TNRC6A: variants seen among roughly 807,000 people sequenced by gnomAD.
TNRC6A encodes the protein trinucleotide repeat containing adaptor 6A, also known as trinucleotide repeat-containing gene 6A protein.
In TNRC6A, 44 loss-of-function variants were observed where a neutral mutation model predicts 221.2. The ratio of observed to expected loss-of-function variants is 0.20; its 90% CI spans 0.16 to 0.26. The LOEUF is 0.26. TNRC6A is among the 10% of genes least tolerant of loss of function. TNRC6A has a pLI of 1.00. For synonymous variants in TNRC6A, 847 were observed against 838.5 expected (o/e 1.01, Z -0.18); for missense variants, 2,199 against 2,404.4 (o/e 0.91, Z 1.79).
At position 24,663,038 on chromosome 16, in the gene TNRC6A, A is replaced by G. The variant is rs563808578; in HGVS notation, n.402+22029A>G. ...CTTAGAAGAGGATATGAGATCACAA[A>G]TGATCTCAGTGTGTTCAGAACTGCC... is the stretch of plus-strand genomic sequence containing the variant. On this transcript the variant is annotated intron_variant and non_coding_transcript_variant, in intron 2 of 2. Transcript: ENST00000566108. 4 of 153,886 alleles carry G rather than the reference A, an allele frequency of 2.6e-5. No homozygotes were observed. In the East Asian group the frequency reaches 7.7e-4, roughly 30 times the overall value. 9.5% of individuals were successfully genotyped at this position (153,886 alleles called of 1,614,324 possible). A position where few individuals can be genotyped will look rare whatever the true frequency, so the allele number is the denominator to read the frequency against.
At position 24,777,205 on chromosome 16, in the gene TNRC6A, A is replaced by C. The variant is rs780401222; in HGVS notation, c.436A>C (p.Lys146Gln). The C allele has an allele frequency of 3.1e-6, 5 of 1,614,214 alleles. No individual in the cohort carries two copies. Among genetic ancestry groups the C allele is most frequent in the Non-Finnish European group, 4.2e-6 (5 of 1,180,036 alleles). ...VPPRFRHQEHKQLLKRGQHFP... is the reference protein window; with the variant it reads ...VPPRFRHQEHQQLLKRGQHFP... Reference sequence around the variant, plus strand: ...TCCACGATTTCGCCACCAGGAACACAAACAGCTTCTAAAGAGGGGTCAGCA... The same window carrying C: ...TCCACGATTTCGCCACCAGGAACACCAACAGCTTCTAAAGAGGGGTCAGCA... The change falls in exon 5 of 25, where the codon AAA becomes CAA. Residue 146 changes from lysine (K) to glutamine (Q), a missense_variant. Lys to Gln is a moderately conservative substitution (Grantham distance 53, BLOSUM62 1). Transcript: ENST00000395799.
At chr16:24,756,701 C>T (rs1018723143) in intron 3 of TNRC6A, among the ~76,000 whole-genome samples, 1 of 152,062 alleles carries the variant, frequency 6.6e-6, no homozygotes, top group Non-Finnish European at 1.5e-5. Context: ...CCATATTGGC[C>T]AGGCTGGTCT....
rs76828456 is a variant in TNRC6A, at chr16:24,802,622, T to C, written c.3695-1555T>C. On this transcript the variant is annotated intron_variant, in intron 11 of 24. Coordinates refer to ENST00000395799, the MANE Select transcript of TNRC6A (RefSeq NM_014494.4). Reference sequence around the variant, plus strand: ...GGTAAAAATGTGGGACTGAGCTCAGTTGTGAAGTCTAAGCAACATGTTTAT... The same window carrying C: ...GGTAAAAATGTGGGACTGAGCTCAGCTGTGAAGTCTAAGCAACATGTTTAT... Among the ~76,000 whole-genome samples, 639 of 152,292 alleles carry C rather than the reference T, an allele frequency of 4.2e-3. 6 individuals are homozygous for C. The highest frequency in any genetic ancestry group is 0.015 in the African/African-American group (619 of 41,556).
chr16:24,611,205 T>C (rs1900041869), intron 1 of TNRC6A, among the ~76,000 whole-genome samples: 1 of 152,184 alleles, frequency 6.6e-6, no homozygotes, highest in African/African-American at 2.4e-5. Flanking sequence ...TAAAATTATT[T>C]TTCTGGATAC....
At chr16:24,721,143 T>C (rs928292208) in intron 2 of TNRC6A, among the ~76,000 whole-genome samples, 1 of 152,172 alleles carries the variant, frequency 6.6e-6, no homozygotes, top group African/African-American at 2.4e-5. Context: ...CAACTAGAAC[T>C]CTTGATGAGG....
At chr16:24,730,343 T>C (rs1286216498) in intron 2 of TNRC6A, 43 bp downstream of exon 2, 1 of 1,596,116 alleles carries the variant, frequency 6.3e-7, no homozygotes, top group South Asian at 1.1e-5. Flanking sequence ...ACGATAATCG[T>C]ATATTTCTAC....
chr16:24,655,487 G>A (rs1362985512), intron 2 of TNRC6A, among the ~76,000 whole-genome samples: 3 of 152,032 alleles, frequency 2.0e-5, no homozygotes, highest in Non-Finnish European at 4.4e-5. Flanking sequence ...TCAGGAGTTC[G>A]AGACCATCCT....
rs2151881858 is a variant in TNRC6A, at chr16:24,791,830, T to C, written c.3175+13T>C. 3 of 1,504,656 alleles carry C rather than the reference T, an allele frequency of 2.0e-6. No individual in the cohort carries two copies. The South Asian group carries it at 4.2e-5, about 21-fold the overall frequency. The allele number at this position is 1,504,656 out of a possible 1,614,324, so 93.2% of individuals were successfully genotyped here. On this transcript the variant is annotated intron_variant, in intron 6 of 24. Coordinates refer to ENST00000395799, the MANE Select transcript of TNRC6A (RefSeq NM_014494.4). ...AGCAGTGGCTCTGGTAAGTTTCTAT[T>C]TTATGAAATCAAGCCTTGTTTTAAC... is the stretch of plus-strand genomic sequence containing the variant.
At chr16:24,644,012 T>TG (rs1260139063) in intron 2 of TNRC6A, among the ~76,000 whole-genome samples, 5 of 151,812 alleles carry the variant, frequency 3.3e-5, no homozygotes, top group Non-Finnish European at 7.4e-5. Context: ...GCAGGAACAC[T>TG]GGTGCAAATA....
chr16:24,821,851 G>C, intron 22 of TNRC6A: 1 of 562,144 alleles, frequency 1.8e-6, no homozygotes. Context: ...GTGGTGAACT[G>C]GGAGCCATTC....
chr16:24,745,080 A>G (rs2056974756), intron 2 of TNRC6A, among the ~76,000 whole-genome samples: 1 of 152,324 alleles, frequency 6.6e-6, no homozygotes, highest in Non-Finnish European at 1.5e-5. Flanking sequence ...GTTATTGTAA[A>G]TAGCATGTTC....
intron 2 of TNRC6A, among the ~76,000 whole-genome samples, chr16:24,699,144 T>TAATCTTCAAAACTTCATTCCATCA (rs2055919986): frequency 6.6e-6 from 1 of 152,218 alleles, no homozygotes; most frequent in African/African-American, 2.4e-5. Flanking sequence ...TTATCTCATT[T>TAATCTTCAAAACTTCATTCCATCA]AATCTTCAAA....
chr16:24,800,125 C>T (rs184733028), intron 11 of TNRC6A, among the ~76,000 whole-genome samples: 4 of 152,242 alleles, frequency 2.6e-5, no homozygotes, highest in Admixed American at 1.3e-4. Context: ...TTGTTGGAAG[C>T]GTTTTCTCTC....
intron 2 of TNRC6A, among the ~76,000 whole-genome samples, chr16:24,668,609 C>T (rs192078237): frequency 3.3e-5 from 5 of 152,212 alleles, no homozygotes; most frequent in African/African-American, 7.2e-5. Flanking sequence ...CATTGGCCAC[C>T]GGAACAATTA....
At chr16:24,661,668 TC>T (rs1402411022) in intron 2 of TNRC6A, 2 of 152,376 alleles carry the variant, frequency 1.3e-5, no homozygotes, top group Non-Finnish European at 2.9e-5. Flanking sequence ...CGCCTCGGCC[TC>T]CCAAAGTGCT....
chr16:24,798,060 CA>C, intron 11 of TNRC6A, 94 bp downstream of exon 11: 1 of 1,104,804 alleles, frequency 9.1e-7, no homozygotes, highest in South Asian at 1.6e-5. Flanking sequence ...TAGATCAGGA[CA>C]GGGGAGGCTG....
intron 2 of TNRC6A, among the ~76,000 whole-genome samples, chr16:24,668,818 T>TA (rs1567340520): frequency 6.6e-6 from 1 of 152,156 alleles, no homozygotes; most frequent in African/African-American, 2.4e-5. Context: ...CACTTCTGAT[T>TA]AAAAAGGAAA....
Position 24,791,295 on chromosome 16 carries a change from T to G in TNRC6A, c.2653T>G (p.Ser885Ala). 1.2e-6 allele frequency: 2 copies of G among 1,612,912 alleles called. No homozygotes were observed. The highest frequency in any genetic ancestry group is 1.7e-6 in the Non-Finnish European group (2 of 1,179,336). Reference protein sequence around the residue: ...SGGSDSDRSVSGWNELGKTSS... With the variant: ...SGGSDSDRSVAGWNELGKTSS... ...AGGTAGTGACAGTGACAGGTCCGTTTCCGGTTGGAACGAACTTGGTAAAAC... is the reference window on the plus strand; with the variant it reads ...AGGTAGTGACAGTGACAGGTCCGTTGCCGGTTGGAACGAACTTGGTAAAAC... Residue 885 changes from serine (S) to alanine (A), a missense_variant, in exon 6 of 25, where the codon TCC (serine) becomes GCC (alanine). Ser to Ala is a moderately conservative substitution (Grantham distance 99). This residue lies in a region of TNRC6A where 1,405 missense variants were observed against 1,400.2 expected (regional missense o/e 1.00). Transcript: ENST00000395799.
intron 2 of TNRC6A, among the ~76,000 whole-genome samples, chr16:24,686,852 C>A (rs1280139405): frequency 6.6e-6 from 1 of 152,152 alleles, no homozygotes; most frequent in African/African-American, 2.4e-5. Context: ...ATAAATCTCA[C>A]CCTGAGCCTC....
Sources: allele counts gnomAD v4.1 joint callset (sites outside exome capture counted in the v4.1 genomes callset), GRCh38; gene constraint gnomAD v4.1.1; regional missense constraint gnomAD v4.1.1; transcripts MANE v1.5; gene names NCBI Gene and HGNC (gene_info 2026-07-23, HGNC 2026-07-21).